SAFB: variants seen among roughly 807,000 people sequenced by gnomAD.
The protein encoded by SAFB is scaffold attachment factor B1.
Under a neutral mutation model 101.6 loss-of-function variants are expected in SAFB, and 15 were observed. The ratio of observed to expected loss-of-function variants is 0.15; its 90% CI spans 0.10 to 0.23. The LOEUF is 0.23. SAFB is among the 10% of genes least tolerant of loss of function. The pLI, the probability that SAFB is intolerant of heterozygous loss-of-function variation, is 1.00. For synonymous variants in SAFB, 449 were observed against 407.5 expected (o/e 1.10, Z -1.23); for missense variants, 930 against 1,104.1 (o/e 0.84, Z 2.23).
chr19:5,647,867 C>G (rs556832871), intron 5 of SAFB, 149 bp from the exon 6 acceptor site: 134 of 732,080 alleles, frequency 1.8e-4, no homozygotes, highest in Middle Eastern at 1.3e-3. Context: ...GGAGCCATTC[C>G]TAGAACAAGC....
intron 1 of SAFB, among the ~76,000 whole-genome samples, chr19:5,626,189 C>A (rs1216085882): frequency 6.6e-6 from 1 of 152,136 alleles, no homozygotes; most frequent in Non-Finnish European, 1.5e-5. Context: ...CCTAAGTAAA[C>A]CTGCCTGGGA....
chr19:5,629,686 T>C (rs902418458), intron 2 of SAFB, among the ~76,000 whole-genome samples: 1 of 152,226 alleles, frequency 6.6e-6, no homozygotes, highest in Non-Finnish European at 1.5e-5. Context: ...CAAAGTAATA[T>C]AATTTTTGAT....
intron 15 of SAFB, 64 bp downstream of exon 15, chr19:5,661,872 C>A: frequency 4.3e-6 from 5 of 1,149,766 alleles, no homozygotes; most frequent in Non-Finnish European, 4.8e-6. Flanking sequence ...CCTCACAGTC[C>A]AGTTAGCTTG....
chr19:5,638,492 T>A (rs1182398113), intron 2 of SAFB, among the ~76,000 whole-genome samples: 3 of 151,714 alleles, frequency 2.0e-5, no homozygotes, highest in African/African-American at 7.3e-5. Flanking sequence ...CCTTCTAATT[T>A]TTGTATTTTT....
rs748422411 is a variant in SAFB at position 5,664,024 on chromosome 19, G to A, written c.2156G>A (p.Arg719Gln). 3.1e-6 allele frequency: 5 copies of A among 1,613,728 alleles called. No individual in the cohort carries two copies. The highest frequency in any genetic ancestry group is 1.7e-5 in the Admixed American group (1 of 59,936). ...CTCTGTCTCATGTCCCCTCACAGGC[G>A]AGATGATGCCTATTGGCCGGAAGCC... is the stretch of plus-strand genomic sequence containing the variant. ...AVRRPYDLDR[R>Q]DDAYWPEAKR... is the part of the protein sequence containing the mutation. Residue 719 changes from arginine to glutamine, a missense_variant and splice_region_variant, in exon 16 of 21, where the codon CGA (arginine) becomes CAA (glutamine). Physicochemically the swap from Arg to Gln is conservative, Grantham distance 43. Around this residue, in one of 7 missense-constraint regions of SAFB, gnomAD observed 318 missense variants for 342.6 expected, o/e 0.93. Transcript: ENST00000588852.
chr19:5,626,282 G>A, intron 1 of SAFB, 123 bp from the exon 2 acceptor site: 1 of 654,922 alleles, frequency 1.5e-6, no homozygotes, highest in South Asian at 1.8e-5. Context: ...ACAGGTCCTG[G>A]GTGGTGAGGG....
chr19:5,625,890 C>T (rs190675237), intron 1 of SAFB, among the ~76,000 whole-genome samples: 34 of 152,278 alleles, frequency 2.2e-4, no homozygotes, highest in African/African-American at 7.7e-4. Context: ...AGTAGGATCC[C>T]AGTCAGCGAG....
intron 9 of SAFB, among the ~76,000 whole-genome samples, chr19:5,652,389 T>C (rs1017681710): frequency 6.6e-6 from 1 of 152,084 alleles, no homozygotes; most frequent in African/African-American, 2.4e-5. Flanking sequence ...CCCTGGAGAC[T>C]GTAGTGTCTT....
At position 5,667,595 on chromosome 19, in the gene SAFB, T is replaced by C; in HGVS notation, c.2557+145T>C. The C allele has an allele frequency of 1.4e-6, 1 of 706,564 alleles. No homozygotes were observed. Among genetic ancestry groups the C allele is most frequent in the Non-Finnish European group, 2.4e-6 (1 of 416,284 alleles). The allele number at this position is 706,564 out of a possible 1,614,324, so 43.8% of individuals were successfully genotyped here. On this transcript the variant is annotated intron_variant, in intron 19 of 20. Coordinates refer to ENST00000588852, the MANE Select transcript of SAFB (RefSeq NM_001201338.2). The surrounding 1 kb of genome is among the most constrained non-coding windows in gnomAD (Gnocchi z 4.0). ...AATGAAGAGCACTCCAGACACCGCC[T>C]GCTCTCTGGTGGTCTGGCCCAGGAG...
intron 9 of SAFB, among the ~76,000 whole-genome samples, chr19:5,652,217 A>G (rs1599361399): frequency 6.6e-6 from 1 of 151,946 alleles, no homozygotes; most frequent in Admixed American, 6.6e-5. Flanking sequence ...AAAGGATAAA[A>G]CTAATTATGT....
At chr19:5,661,041 C>T (rs1209264654) in intron 14 of SAFB, among the ~76,000 whole-genome samples, 2 of 149,310 alleles carry the variant, frequency 1.3e-5, no homozygotes, top group Non-Finnish European at 3.0e-5. Flanking sequence ...CCTCAGCCTC[C>T]GGAGTAGCTG....
intron 2 of SAFB, among the ~76,000 whole-genome samples, chr19:5,627,330 C>T (rs995990259): frequency 8.6e-5 from 13 of 151,626 alleles, no homozygotes; most frequent in Admixed American, 5.3e-4. Flanking sequence ...AGTACCTAGG[C>T]GTCGAGGCAC....
intron 2 of SAFB, among the ~76,000 whole-genome samples, chr19:5,639,347 T>C (rs150564823): frequency 6.6e-6 from 1 of 152,138 alleles, no homozygotes; most frequent in Non-Finnish European, 1.5e-5. Flanking sequence ...CATCCAAGCA[T>C]GAAGGTATAA....
At chr19:5,639,575 C>T (rs2053662344) in intron 2 of SAFB, among the ~76,000 whole-genome samples, 1 of 151,606 alleles carries the variant, frequency 6.6e-6, no homozygotes. Context: ...CGCCTGTAAT[C>T]CCAGCTACTC....
At position 5,663,900 on chromosome 19, in the gene SAFB, A is replaced by G. The variant is rs2054270912; in HGVS notation, c.2154-122A>G. ...CAAATCAGACCTTGCCTCCTATAGG[A>G]GAGAACACTCTTGGTGAAAGTCATC... On this transcript the variant is annotated intron_variant, in intron 15 of 20. Transcript: ENST00000588852. 3.7e-6 allele frequency: 4 copies of G among 1,095,716 alleles called. No homozygotes were observed. In the Admixed American group the frequency reaches 8.9e-5, roughly 24 times the overall value. The allele number at this position is 1,095,716 out of a possible 1,614,324, so 67.9% of individuals were successfully genotyped here. A position where few individuals can be genotyped will look rare whatever the true frequency, so the allele number is the denominator to read the frequency against.
At chr19:5,665,087 GCCCTTCCT>G (rs367672409) in intron 17 of SAFB, 68 of 152,480 alleles carry the variant, frequency 4.5e-4, no homozygotes, top group African/African-American at 1.6e-3. Flanking sequence ...CCACTCATGA[GCCCTTCCT>G]CCTCCTGCCA....
chr19:5,661,450 C>CT (rs1568278730), intron 14 of SAFB, 68 bp from the exon 15 acceptor site: 1 of 1,586,246 alleles, frequency 6.3e-7, no homozygotes, highest in Admixed American at 1.7e-5. Flanking sequence ...CAGCGTCTTA[C>CT]TTAAAGTCAG....
At chr19:5,642,673 T>TTC (rs2053746589) in intron 4 of SAFB, among the ~76,000 whole-genome samples, 1 of 142,562 alleles carries the variant, frequency 7.0e-6, no homozygotes, top group African/African-American at 2.6e-5. Flanking sequence ...TTTTTTTTTT[T>TTC]TTTTCTGAGA....
intron 4 of SAFB, among the ~76,000 whole-genome samples, chr19:5,644,971 C>T (rs1217103209): frequency 2.0e-5 from 3 of 152,210 alleles, no homozygotes; most frequent in Non-Finnish European, 2.9e-5. Context: ...TCCACTTCAG[C>T]AGGACTCTAG....
Sources: gnomAD v4.1 joint callset for allele counts (sites outside exome capture counted in the v4.1 genomes callset) on GRCh38, gnomAD v4.1.1 for gene constraint, gnomAD v4.1.1 regional missense constraint, Gnocchi (gnomAD v3.1) non-coding constraint, MANE v1.5 for transcripts, NCBI Gene and HGNC (gene_info 2026-07-23, HGNC 2026-07-21) for gene names.